The following XK variants were observed in gnomAD, a reference collection of about 807,000 sequenced individuals.
XK encodes X-linked Kx blood group antigen, Kell and VPS13A binding protein.
In XK, 2 loss-of-function variants were observed where a neutral mutation model predicts 14.0. The ratio of observed to expected loss-of-function variants is 0.14; its 90% CI spans 0.06 to 0.45. The LOEUF (loss-of-function observed/expected upper bound fraction) is 0.45, where lower values mean the gene tolerates loss of function less well. Ranked by LOEUF, XK falls within the 20% of genes least tolerant of loss-of-function variation. XK has a pLI of 0.98. For missense variants in XK, 235 were observed against 341.5 expected (o/e 0.69, Z 2.46); for synonymous variants, 149 against 147.5 (o/e 1.01, Z -0.08).
chrX:37,693,049 C>G (rs782476399), intron 1 of XK, among the ~76,000 whole-genome samples: 59 of 111,069 alleles, frequency 5.3e-4, no homozygotes, highest in Admixed American at 1.5e-3. Context: ...CAAAATATGT[C>G]CACTTTGAGC....
chrX:37,686,303 G>A (rs1927075167), intron 1 of XK, 97 bp downstream of exon 1: 1 of 1,148,305 alleles, frequency 8.7e-7, no homozygotes. Flanking sequence ...GTTTTCCTGT[G>A]GAGACAGGTG....
In XK at chrX:37,685,982, G is replaced by A; in HGVS notation, c.21G>A (p.Val7=). 1 of 1,207,354 alleles carries A rather than the reference G, an allele frequency of 8.3e-7. No individual in the cohort carries two copies. The highest frequency in any genetic ancestry group is 1.1e-6 in the Non-Finnish European group (1 of 893,986). Reference sequence around the variant, plus strand: ...CGGAGATGAAATTCCCGGCCTCGGTGCTGGCGTCCGTGTTCCTGTTCGTGG... The same window carrying A: ...CGGAGATGAAATTCCCGGCCTCGGTACTGGCGTCCGTGTTCCTGTTCGTGG... MKFPAS[V]LASVFLFVAE... The change falls in exon 1 of 3, where the codon GTG becomes GTA. Residue 7 remains valine (V), a synonymous_variant. Transcript: ENST00000378616.
At chrX:37,698,050 T>C (rs1927335824) in intron 2 of XK, among the ~76,000 whole-genome samples, 1 of 112,250 alleles carries the variant, frequency 8.9e-6, no homozygotes, top group South Asian at 3.7e-4. Context: ...TGCTCAAGTC[T>C]CCAGATCTTG....
Position 37,686,200 on chromosome X carries a change from T to C in XK, c.239T>C (p.Leu80Pro). 2 of 1,206,651 alleles carry C rather than the reference T, an allele frequency of 1.7e-6. No homozygotes were observed. Among genetic ancestry groups the C allele is most frequent in the Admixed American group, 2.2e-5 (1 of 45,836 alleles). ...CTGCACCTGCTGCAACTTGGGCCCC[T>C]TTTCAGGTGCGTGCAGAAGCCCAGA... ...LLLHLLQLGP[L>P]FRCFEVFCIY... is the part of the protein sequence containing the mutation. Residue 80 changes from leucine to proline, a missense_variant, in exon 1 of 3, where the codon CTT becomes CCT. Physicochemically the swap from Leu to Pro is moderately conservative, Grantham distance 98. Transcript: ENST00000378616.
Position 37,728,624 on chromosome X carries a change from T to C in XK, c.*162T>C. On this transcript the variant is annotated 3_prime_UTR_variant, in exon 3 of 3. Transcript: ENST00000378616. Reference sequence around the variant, plus strand: ...GAGCTCTTGGGTATGTAGAACTGTATGGGAAGAAGCCAGGAAAACCTCTGA... The same window carrying C: ...GAGCTCTTGGGTATGTAGAACTGTACGGGAAGAAGCCAGGAAAACCTCTGA... 1.8e-6 allele frequency: 1 copy of C among 551,846 alleles called. No individual in the cohort carries two copies. The highest frequency in any genetic ancestry group is 2.9e-6 in the Non-Finnish European group (1 of 340,550). 45.5% of individuals were successfully genotyped at this position (551,846 alleles called of 1,213,427 possible). A position where few individuals can be genotyped will look rare whatever the true frequency, so the allele number is the denominator to read the frequency against.
intron 1 of XK, among the ~76,000 whole-genome samples, 190 bp from the exon 2 acceptor site, chrX:37,694,095 GC>G (rs1211503580): frequency 2.7e-5 from 3 of 112,041 alleles, no homozygotes; most frequent in African/African-American, 9.7e-5. Flanking sequence ...ATTCCCATTG[GC>G]CTGCTGGAAA....
chrX:37,692,552 C>G (rs1291421650), intron 1 of XK, among the ~76,000 whole-genome samples: 1 of 111,854 alleles, frequency 8.9e-6, no homozygotes, highest in Non-Finnish European at 1.9e-5. Context: ...AAGGGTGCAC[C>G]ACCATGCCTG....
chrX:37,725,147 G>A (rs1439256582), intron 2 of XK, among the ~76,000 whole-genome samples: 1 of 111,369 alleles, frequency 9.0e-6, no homozygotes, highest in African/African-American at 3.3e-5. Context: ...CCAGAGAATC[G>A]AATGGTAGTT....
At chrX:37,708,525 G>A (rs193225443) in intron 2 of XK, among the ~76,000 whole-genome samples, 21 of 112,388 alleles carry the variant, frequency 1.9e-4, no homozygotes, top group Non-Finnish European at 3.8e-4. Flanking sequence ...GTTGTTTTAA[G>A]CCACTGTGTT....
intron 2 of XK, among the ~76,000 whole-genome samples, chrX:37,700,549 G>A (rs1337976062): frequency 8.9e-6 from 1 of 111,961 alleles, no homozygotes; most frequent in Non-Finnish European, 1.9e-5. Flanking sequence ...AGTGTGGGGT[G>A]TTTGAATCAG....
At chrX:37,697,933 C>A (rs965065291) in intron 2 of XK, among the ~76,000 whole-genome samples, 3 of 111,978 alleles carry the variant, frequency 2.7e-5, no homozygotes, top group Non-Finnish European at 5.6e-5. Flanking sequence ...GGGAAGTTTT[C>A]TTTCTCATAG....
At position 37,719,696 on chromosome X, in the gene XK, A is replaced by G. The variant is rs28998779; in HGVS notation, c.509-7940A>G. On this transcript the variant is annotated intron_variant, in intron 2 of 2. Coordinates refer to ENST00000378616, the MANE Select transcript of XK (RefSeq NM_021083.4). ...TCTGATAAGTTCCCAATTTTGTCAC[A>G]CAATTTTAAAATCATATAAATTATA... Among the ~76,000 whole-genome samples, 855 of 111,210 alleles carry G rather than the reference A, an allele frequency of 7.7e-3. 10 individuals are homozygous for G. The highest frequency in any genetic ancestry group is 0.027 in the African/African-American group (814 of 30,691).
In XK at chrX:37,686,033, G is replaced by A. The variant is rs1556440110; in HGVS notation, c.72G>A (p.Leu24=). The change falls in exon 1 of 3, where the codon CTG becomes CTA. Residue 24 remains leucine (L), a synonymous_variant. Coordinates refer to ENST00000378616, the MANE Select transcript of XK (RefSeq NM_021083.4). ...FVAETTAALS[L]SSTYRSGGDR... Reference sequence around the variant, plus strand: ...CCGAGACAACGGCGGCGCTCAGCCTGAGCAGCACCTACCGCTCGGGCGGGG... The same window carrying A: ...CCGAGACAACGGCGGCGCTCAGCCTAAGCAGCACCTACCGCTCGGGCGGGG... The A allele has an allele frequency of 2.5e-6, 3 of 1,210,095 alleles. No individual in the cohort carries two copies. In the South Asian group the frequency reaches 5.3e-5, roughly 21 times the overall value.
Position 37,731,417 on chromosome X carries a change from A to G in XK, c.*2955A>G, listed in dbSNP as rs942061344. 4 of 111,903 alleles carry G rather than the reference A, an allele frequency of 3.6e-5. No homozygotes were observed. Among genetic ancestry groups the G allele is most frequent in the Non-Finnish European group, 7.5e-5 (4 of 53,150 alleles). The allele number at this position is 111,903 out of a possible 1,213,427, so 9.2% of individuals were successfully genotyped here. A position where few individuals can be genotyped will look rare whatever the true frequency, so the allele number is the denominator to read the frequency against. On this transcript the variant is annotated 3_prime_UTR_variant, in exon 3 of 3. Coordinates refer to ENST00000378616, the MANE Select transcript of XK (RefSeq NM_021083.4). ...TGGCACTTCCCTGTCCAGCACTACA[A>G]CTTAATTGCTCTATGCCTCAGTTTC...
chrX:37,727,685 C>T lies in XK; in HGVS notation c.558C>T (p.Arg186=). 1 of 1,210,933 alleles carries T rather than the reference C, an allele frequency of 8.3e-7. No individual in the cohort carries two copies. The highest frequency in any genetic ancestry group is 1.8e-5 in the South Asian group (1 of 56,945). The change falls in exon 3 of 3, where the codon CGC becomes CGT. Residue 186 remains arginine (R), a synonymous_variant. Transcript: ENST00000378616. The part of the protein sequence containing the change: ...SLLSIVYGAL[R]CNILAIKIKY... ...TGTCCATTGTGTATGGAGCCTTGCG[C>T]TGCAACATCCTAGCCATCAAAATCA...
At chrX:37,699,616 G>C (rs1927372011) in intron 2 of XK, among the ~76,000 whole-genome samples, 1 of 112,222 alleles carries the variant, frequency 8.9e-6, no homozygotes, top group African/African-American at 3.2e-5. Context: ...GAGCTCACTG[G>C]CAATACAAAG....
intron 1 of XK, among the ~76,000 whole-genome samples, chrX:37,687,409 A>C (rs1488359449): frequency 1.8e-5 from 2 of 110,326 alleles, no homozygotes; most frequent in Non-Finnish European, 3.8e-5. Context: ...CTAGGACTGC[A>C]GGCAAGCGCC....
At chrX:37,706,380 G>GA (rs1927526222) in intron 2 of XK, among the ~76,000 whole-genome samples, 1 of 110,575 alleles carries the variant, frequency 9.0e-6, no homozygotes, top group African/African-American at 3.3e-5. Flanking sequence ...TAAAGTCAGG[G>GA]AAAAAAAGTG....
chrX:37,711,579 T>C (rs73472126), intron 2 of XK, among the ~76,000 whole-genome samples: 2,375 of 112,091 alleles, frequency 0.021, 53 homozygotes, highest in African/African-American at 0.073. Flanking sequence ...CCATTTGCTA[T>C]AGTGGTAACC....
Sources: allele counts gnomAD v4.1 joint callset (sites outside exome capture counted in the v4.1 genomes callset), GRCh38; gene constraint gnomAD v4.1.1; transcripts MANE v1.5; gene names NCBI Gene and HGNC (gene_info 2026-07-23, HGNC 2026-07-21).